IL12B: variants seen among roughly 807,000 people sequenced by gnomAD.
IL12B encodes the protein interleukin 12B.
In IL12B, 27 loss-of-function variants were observed where a neutral mutation model predicts 39.2. The ratio of observed to expected loss-of-function variants is 0.69; its 90% confidence interval spans 0.51 to 0.95. The LOEUF (loss-of-function observed/expected upper bound fraction) is 0.95. IL12B is among the 40% of genes least tolerant of loss of function. The pLI is 0.00. For missense variants in IL12B, 351 were observed against 397.6 expected (o/e 0.88, Z 1.00); for synonymous variants, 142 against 152.1 (o/e 0.93, Z 0.49).
chr5:159,320,309 T>C lies in IL12B; in HGVS notation c.694A>G (p.Ile232Val). Residue 232 changes from isoleucine to valine, a missense_variant, in exon 5 of 8, where the codon ATC becomes GTC. Physicochemically the swap from Ile to Val is conservative, Grantham distance 29 (BLOSUM62 3). Coordinates refer to ENST00000231228, the MANE Select transcript of IL12B (RefSeq NM_002187.3). The stretch of plus-strand genomic sequence containing the variant: ...CATATAATCATCCAAAACTCACTGA[T>C]GTCCCTGATGAAGAAGCTGCTGGTG... ...NYTSSFFIRD[I>V]IKPDPPKNLQ... 1 of 1,613,638 alleles carries C rather than the reference T, an allele frequency of 6.2e-7. No individual in the cohort carries two copies. The highest frequency in any genetic ancestry group is 8.5e-7 in the Non-Finnish European group (1 of 1,179,554).
rs1450831756 is a variant in IL12B at position 159,320,226 on chromosome 5, C to T, written c.697+80G>A. 9.2e-6 allele frequency: 11 copies of T among 1,197,382 alleles called. No homozygotes were observed. In the East Asian group the frequency reaches 2.6e-4, roughly 28 times the overall value. 74.2% of individuals were successfully genotyped at this position (1,197,382 alleles called of 1,614,324 possible). On this transcript the variant is annotated intron_variant, in intron 5 of 7. Transcript: ENST00000231228. ...GAGATGATGCTTGTCAACCACCTAC[C>T]CCACAGTGCATGGGGCATTGTGAAC...
intron 2 of IL12B, among the ~76,000 whole-genome samples, chr5:159,325,032 A>T (rs1754162542): frequency 6.6e-6 from 1 of 151,820 alleles, no homozygotes; most frequent in South Asian, 2.1e-4. Context: ...TTCCTGTCCC[A>T]ACTGAGGCTC....
chr5:159,316,360 G>C (rs949583750), intron 7 of IL12B, among the ~76,000 whole-genome samples: 3 of 152,142 alleles, frequency 2.0e-5, no homozygotes, highest in African/African-American at 7.2e-5. Flanking sequence ...GGGGCCCCCA[G>C]AACAAGATTC....
intron 6 of IL12B, among the ~76,000 whole-genome samples, chr5:159,317,047 C>T (rs866583843): frequency 2.1e-4 from 32 of 152,256 alleles, no homozygotes; most frequent in South Asian, 8.3e-4. Flanking sequence ...ATCGTTTGGC[C>T]CAGCTTTCAT....
chr5:159,319,004 T>A, intron 5 of IL12B, 111 bp from the exon 6 acceptor site: 1 of 930,344 alleles, frequency 1.1e-6, no homozygotes. Context: ...CACTGGATAG[T>A]TACTTAACTT....
At chr5:159,324,442 A>G (rs1328119538) in intron 2 of IL12B, among the ~76,000 whole-genome samples, 2 of 152,242 alleles carry the variant, frequency 1.3e-5, no homozygotes, top group African/African-American at 2.4e-5. Context: ...ATGAAACACC[A>G]TCAGCAGCAT....
At chr5:159,329,949 C>T (rs541645804) in intron 1 of IL12B, among the ~76,000 whole-genome samples, 4 of 152,158 alleles carry the variant, frequency 2.6e-5, no homozygotes, top group South Asian at 2.1e-4. Flanking sequence ...TCACAACTGA[C>T]GACCAAGACC....
intron 1 of IL12B, among the ~76,000 whole-genome samples, chr5:159,327,224 T>C (rs191143039): frequency 6.6e-6 from 1 of 152,320 alleles, no homozygotes; most frequent in Non-Finnish European, 1.5e-5. Context: ...AAAAAAGGGC[T>C]TACCTGGATC....
intron 1 of IL12B, among the ~76,000 whole-genome samples, chr5:159,327,804 A>G (rs1754217501): frequency 1.3e-5 from 2 of 152,244 alleles, no homozygotes; most frequent in African/African-American, 4.8e-5. Flanking sequence ...AGTAAAATGC[A>G]TAATTTTATG....
At chr5:159,329,762 T>A (rs1008434725) in intron 1 of IL12B, among the ~76,000 whole-genome samples, 1 of 152,134 alleles carries the variant, frequency 6.6e-6, no homozygotes, top group African/African-American at 2.4e-5. Context: ...ATCCCTTTGT[T>A]AAAATGACAT....
intron 2 of IL12B, among the ~76,000 whole-genome samples, 190 bp from the exon 3 acceptor site, chr5:159,323,519 CAA>C (rs1049635761): frequency 9.9e-5 from 15 of 152,152 alleles, no homozygotes; most frequent in African/African-American, 3.6e-4. Flanking sequence ...AAAAGAGAAA[CAA>C]AGAGTTTTAT....
intron 4 of IL12B, among the ~76,000 whole-genome samples, chr5:159,321,963 C>T (rs1016610724): frequency 1.3e-5 from 2 of 152,088 alleles, no homozygotes; most frequent in Non-Finnish European, 2.9e-5. Context: ...TTTCGGGAGG[C>T]CTCATCGAGT....
At chr5:159,320,172 C>T (rs569095076) in intron 5 of IL12B, 134 bp downstream of exon 5, 10 of 767,102 alleles carry the variant, frequency 1.3e-5, no homozygotes, top group East Asian at 5.2e-5. Context: ...GTATCTACAT[C>T]GTATTTTGTT....
chr5:159,323,407 A>T, intron 2 of IL12B, 78 bp from the exon 3 acceptor site: 2 of 1,359,376 alleles, frequency 1.5e-6, no homozygotes, highest in Non-Finnish European at 2.1e-6. Flanking sequence ...CCCTTCGGGC[A>T]TCCCCATTGC....
At chr5:159,329,351 C>T (rs1754241097) in intron 1 of IL12B, among the ~76,000 whole-genome samples, 1 of 152,194 alleles carries the variant, frequency 6.6e-6, no homozygotes, top group African/African-American at 2.4e-5. Context: ...AAGCCCCACA[C>T]TCCTGATCTA....
intron 7 of IL12B, 72 bp downstream of exon 7, chr5:159,316,612 GC>G (rs1291281335): frequency 3.3e-6 from 5 of 1,518,476 alleles, no homozygotes; most frequent in South Asian, 1.2e-5. Flanking sequence ...CTCCAACACA[GC>G]CCCCAATCAT....
chr5:159,317,503 A>T (rs1754008092), intron 6 of IL12B, among the ~76,000 whole-genome samples: 1 of 152,208 alleles, frequency 6.6e-6, no homozygotes, highest in Non-Finnish European at 1.5e-5. Context: ...CCCAGAGAGT[A>T]ACTAGCTCAC....
In IL12B at chr5:159,323,117, G is replaced by A. The variant is rs200722574; in HGVS notation, c.301C>T (p.Leu101Phe). ...HKGGEVLSHS[L>F]LLLHKKEDGI... ...TCTTCCTTTTTGTGAAGCAGCAGGA[G>A]CGAATGGCTTAGAACCTCGCCTCCT... Residue 101 changes from leucine (L) to phenylalanine (F), a missense_variant, in exon 3 of 8, where the codon CTC (leucine) becomes TTC (phenylalanine). Coordinates refer to ENST00000231228, the MANE Select transcript of IL12B (RefSeq NM_002187.3). The A allele has an allele frequency of 4.9e-5, 79 of 1,614,154 alleles. No individual in the cohort carries two copies. Among genetic ancestry groups the A allele is most frequent in the Middle Eastern group, 1.7e-4 (1 of 6,060 alleles).
At position 159,323,300 on chromosome 5, in the gene IL12B, C is replaced by T; in HGVS notation, c.118G>A (p.Asp40Asn). 1 of 1,614,114 alleles carries T rather than the reference C, an allele frequency of 6.2e-7. No homozygotes were observed. Among genetic ancestry groups the T allele is most frequent in the Non-Finnish European group, 8.5e-7 (1 of 1,180,000 alleles). ...AGGACCACCATTTCTCCAGGGGCAT[C>T]CGGATACCAATCCAATTCTACGACA... is the stretch of plus-strand genomic sequence containing the variant. ...VYVVELDWYP[D>N]APGEMVVLTC... The change falls in exon 3 of 8, where the codon GAT (aspartate) becomes AAT (asparagine). Residue 40 changes from aspartate (D) to asparagine (N), a missense_variant. Physicochemically the swap from Asp to Asn is conservative, Grantham distance 23. Coordinates refer to ENST00000231228, the MANE Select transcript of IL12B (RefSeq NM_002187.3).
Sources: allele counts gnomAD v4.1 joint callset (sites outside exome capture counted in the v4.1 genomes callset), GRCh38; gene constraint gnomAD v4.1.1; transcripts MANE v1.5; gene names NCBI Gene and HGNC (gene_info 2026-07-23, HGNC 2026-07-21).